SLC71A2: variants seen among roughly 807,000 people sequenced by gnomAD.
SLC71A2 encodes solute carrier family 71 member 2, also known as hippocampus abundant transcript-like 1.
the SLC71A2 span, among the ~76,000 whole-genome samples, chr9:94,394,061 C>A: frequency 6.7e-6 from 1 of 148,442 alleles, no homozygotes; most frequent in Non-Finnish European, 1.5e-5. Flanking sequence ...AAAAAAAAAT[C>A]TTGGTAGAGA....
At chr9:94,455,245 A>G in the SLC71A2 span, among the ~76,000 whole-genome samples, 1 of 130,950 alleles carries the variant, frequency 7.6e-6, no homozygotes, top group Non-Finnish European at 1.5e-5. Context: ...ATGGCTTACT[A>G]TTACAGCCTT....
At chr9:94,458,514 A>G in the SLC71A2 span, 7 of 1,564,630 alleles carry the variant, frequency 4.5e-6, no homozygotes, top group Non-Finnish European at 6.1e-6. Context: ...GTATGATTAT[A>G]GCAAAATCTT....
At chr9:94,459,474 C>T in the SLC71A2 span, 1 of 1,583,262 alleles carries the variant, frequency 6.3e-7, no homozygotes, top group Non-Finnish European at 8.6e-7. Flanking sequence ...GAGCCACACC[C>T]CTGGTGACTT....
chr9:94,407,699 TTGTC>T, the SLC71A2 span, among the ~76,000 whole-genome samples: 1 of 151,976 alleles, frequency 6.6e-6, no homozygotes, highest in African/African-American at 2.4e-5. Context: ...TGTAGTGTCT[TTGTC>T]TGGCTTTTTT....
At chr9:94,458,888 G>A in the SLC71A2 span, among the ~76,000 whole-genome samples, 8 of 152,204 alleles carry the variant, frequency 5.3e-5, no homozygotes, top group Admixed American at 2.6e-4. Context: ...TGAAGTCATA[G>A]GATGGGATTA....
At chr9:94,452,725 A>T in the SLC71A2 span, among the ~76,000 whole-genome samples, 1 of 99,646 alleles carries the variant, frequency 1.0e-5, no homozygotes, top group Non-Finnish European at 2.7e-5. Flanking sequence ...ATATATATAT[A>T]ATAGATATTA....
chr9:94,413,850 G>A, the SLC71A2 span, among the ~76,000 whole-genome samples: 2 of 152,214 alleles, frequency 1.3e-5, no homozygotes, highest in African/African-American at 4.8e-5. Context: ...GGTCGTCTAA[G>A]ATGGCCTTGC....
the SLC71A2 span, chr9:94,446,778 A>C: frequency 2.1e-6 from 2 of 961,124 alleles, no homozygotes; most frequent in Non-Finnish European, 1.7e-6. Flanking sequence ...TGGCAACATT[A>C]ATGTGTATTG....
the SLC71A2 span, among the ~76,000 whole-genome samples, chr9:94,449,227 C>G: frequency 1.3e-5 from 2 of 152,136 alleles, no homozygotes; most frequent in African/African-American, 4.8e-5. Context: ...TATGACAAAT[C>G]GGAATCATTC....
At chr9:94,385,655 C>A in the SLC71A2 span, among the ~76,000 whole-genome samples, 1 of 152,288 alleles carries the variant, frequency 6.6e-6, no homozygotes, top group East Asian at 1.9e-4. Flanking sequence ...TGCTCAAAAT[C>A]AGTTGGCCAT....
the SLC71A2 span, chr9:94,374,674 A>G: frequency 1.3e-5 from 2 of 154,262 alleles, no homozygotes; most frequent in African/African-American, 4.8e-5. Context: ...CCGCCTCCTC[A>G]GCCCTCGGCG....
chr9:94,444,475 A>C, the SLC71A2 span, among the ~76,000 whole-genome samples: 1 of 152,262 alleles, frequency 6.6e-6, no homozygotes, highest in African/African-American at 2.4e-5. Context: ...AATGACCACC[A>C]AATGATAAAA....
chr9:94,439,022 G>GTTTTTTTTTTTTTTTTTTTTTTTT, the SLC71A2 span, among the ~76,000 whole-genome samples: 1 of 115,688 alleles, frequency 8.6e-6, no homozygotes, highest in African/African-American at 3.3e-5. Context: ...ATTTGAGTTC[G>GTTTTTTTTTTTTTTTTTTTTTTTT]TTTTTTTTTT....
chr9:94,416,950 T>C, the SLC71A2 span, among the ~76,000 whole-genome samples: 1 of 152,192 alleles, frequency 6.6e-6, no homozygotes, highest in Non-Finnish European at 1.5e-5. Context: ...CCTTTTTTTC[T>C]TATTGCAGTA....
chr9:94,458,769 T>A, the SLC71A2 span, among the ~76,000 whole-genome samples: 1 of 152,138 alleles, frequency 6.6e-6, no homozygotes, highest in Non-Finnish European at 1.5e-5. Flanking sequence ...AGCTAAAAAT[T>A]GAGGTAGGGT....
At chr9:94,407,278 A>G in the SLC71A2 span, among the ~76,000 whole-genome samples, 1 of 152,044 alleles carries the variant, frequency 6.6e-6, no homozygotes, top group African/African-American at 2.4e-5. Context: ...GTTATGGTGT[A>G]TAACCATAAT....
At chr9:94,405,420 G>C in the SLC71A2 span, among the ~76,000 whole-genome samples, 1 of 151,840 alleles carries the variant, frequency 6.6e-6, no homozygotes, top group African/African-American at 2.4e-5. Flanking sequence ...GCATGAACCC[G>C]GGAGGTGGAC....
At chr9:94,397,901 G>T in the SLC71A2 span, among the ~76,000 whole-genome samples, 115 of 152,298 alleles carry the variant, frequency 7.6e-4, no homozygotes, top group Non-Finnish European at 1.1e-3. Context: ...CTGTTTATCA[G>T]ATTTCTCCAC....
chr9:94,438,190 G>A, the SLC71A2 span, among the ~76,000 whole-genome samples: 504 of 152,106 alleles, frequency 3.3e-3, 1 homozygote, highest in Non-Finnish European at 6.2e-3. Flanking sequence ...CACCCGCCTC[G>A]GCCTTCCAAA....
Sources: gnomAD v4.1 joint callset for allele counts (sites outside exome capture counted in the v4.1 genomes callset) on GRCh38, gnomAD v4.1.1 for gene constraint, MANE v1.5 for transcripts, NCBI Gene and HGNC (gene_info 2026-07-23, HGNC 2026-07-21) for gene names.